The following DHX33 variants were observed in gnomAD, a reference collection of about 807,000 sequenced individuals.
DHX33 encodes DEAH-box helicase 33, also known as ATP-dependent RNA helicase DHX33.
DHX33 carries 42 observed loss-of-function variants against 72.5 expected under a neutral mutation model. That is an observed-to-expected ratio of 0.58 (90% confidence interval 0.45 to 0.75). The LOEUF (loss-of-function observed/expected upper bound fraction) is 0.75. Ranked by LOEUF, DHX33 falls within the 30% of genes least tolerant of loss-of-function variation. DHX33 has a pLI of 0.00. For synonymous variants in DHX33, 358 were observed against 366.1 expected (o/e 0.98, Z 0.25); for missense variants, 842 against 917.5 (o/e 0.92, Z 1.06).
Position 5,453,993 on chromosome 17 carries a change from T to C in DHX33, c.1148-13A>G, listed in dbSNP as rs770533292. On this transcript the variant is annotated splice_polypyrimidine_tract_variant and intron_variant, in intron 6 of 11. Transcript: ENST00000225296. ...TCAAGACCACTGTCTGGATGGAGAG[T>C]GAGCCCCATTAGTGCTTCATCACAT... The C allele has an allele frequency of 9.3e-6, 15 of 1,612,128 alleles. No individual in the cohort carries two copies. The highest frequency in any genetic ancestry group is 3.3e-5 in the South Asian group (3 of 90,974).
chr17:5,460,924 C>T lies in DHX33; in HGVS notation c.849+15G>A. ...TAAAAGAGAACTTTTCAGGAATTTG[C>T]CCCCAGCACCATACCTGGTGGATCT... is the stretch of plus-strand genomic sequence containing the variant. On this transcript the variant is annotated intron_variant, in intron 4 of 11. Transcript: ENST00000225296. The T allele has an allele frequency of 6.3e-7, 1 of 1,596,238 alleles. No individual in the cohort carries two copies. Among genetic ancestry groups the T allele is most frequent in the East Asian group, 2.3e-5 (1 of 44,166 alleles).
At chr17:5,445,127 G>A (rs886497513) in intron 11 of DHX33, among the ~76,000 whole-genome samples, 4 of 150,922 alleles carry the variant, frequency 2.7e-5, no homozygotes, top group Non-Finnish European at 5.9e-5. Flanking sequence ...CACCCAGGCT[G>A]GAGTGCAATG....
chr17:5,452,829 G>GGGAAGGAAA (rs1360846739), intron 8 of DHX33, among the ~76,000 whole-genome samples: 17 of 152,190 alleles, frequency 1.1e-4, no homozygotes, highest in Non-Finnish European at 2.9e-5. Flanking sequence ...GTTGTTCTAG[G>GGGAAGGAAA]GGAAGGAAAC....
chr17:5,449,490 G>A (rs1482495074), intron 10 of DHX33, among the ~76,000 whole-genome samples: 2 of 152,222 alleles, frequency 1.3e-5, no homozygotes, highest in African/African-American at 4.8e-5. Context: ...AGGCTGGAGT[G>A]CAGTGGCACG....
chr17:5,450,408 T>G lies in DHX33; in HGVS notation c.1525-2A>C. ...GAATTTGGGGGACATGAGGATGGTCTGCAAAGCAAAATTTAAAATTGTGTA... is the reference window on the plus strand; with the variant it reads ...GAATTTGGGGGACATGAGGATGGTCGGCAAAGCAAAATTTAAAATTGTGTA... On this transcript the variant is annotated splice_acceptor_variant, in intron 9 of 11. Transcript: ENST00000225296. LOFTEE classifies it high-confidence loss of function. 1.2e-6 allele frequency: 2 copies of G among 1,613,412 alleles called. No homozygotes were observed. The highest frequency in any genetic ancestry group is 1.7e-6 in the Non-Finnish European group (2 of 1,179,400).
At chr17:5,447,926 C>T (rs539738605) in intron 11 of DHX33, among the ~76,000 whole-genome samples, 2 of 152,364 alleles carry the variant, frequency 1.3e-5, no homozygotes, top group East Asian at 1.9e-4. Context: ...CACCTGGAAT[C>T]CCAGCACTTC....
chr17:5,447,998 G>A (rs540988026), intron 11 of DHX33, among the ~76,000 whole-genome samples: 1 of 152,234 alleles, frequency 6.6e-6, no homozygotes, highest in East Asian at 1.9e-4. Context: ...GGCCAACGTG[G>A]TGAAACCCCG....
chr17:5,463,490 G>C (rs1904733645), intron 2 of DHX33, 39 bp downstream of exon 2: 1 of 1,598,228 alleles, frequency 6.3e-7, no homozygotes, highest in East Asian at 2.2e-5. Flanking sequence ...GAGAGCTGTT[G>C]AGTCAAGAAG....
intron 4 of DHX33, among the ~76,000 whole-genome samples, chr17:5,457,310 AAAAT>A (rs1398721257): frequency 6.6e-6 from 1 of 151,766 alleles, no homozygotes; most frequent in Non-Finnish European, 1.5e-5. Flanking sequence ...TCCATCTCAA[AAAAT>A]AAATAAATAA....
intron 9 of DHX33, 93 bp downstream of exon 9, chr17:5,450,714 G>T: frequency 1.3e-6 from 2 of 1,536,152 alleles, no homozygotes; most frequent in Admixed American, 1.9e-5. Flanking sequence ...GAGAAAAAGT[G>T]AGATTAATCT....
chr17:5,455,480 T>C (rs1917149976), intron 5 of DHX33, among the ~76,000 whole-genome samples: 1 of 152,120 alleles, frequency 6.6e-6, no homozygotes, highest in Admixed American at 6.5e-5. Context: ...TTTGAGGCAA[T>C]GAGATGCAGT....
chr17:5,446,187 C>A (rs1023365014), intron 11 of DHX33, among the ~76,000 whole-genome samples: 1 of 152,192 alleles, frequency 6.6e-6, no homozygotes, highest in African/African-American at 2.4e-5. Context: ...GTTGGTCAGG[C>A]TGATTTCGAA....
intron 2 of DHX33, 82 bp downstream of exon 2, chr17:5,463,447 G>T: frequency 7.0e-7 from 1 of 1,425,320 alleles, no homozygotes; most frequent in Non-Finnish European, 9.6e-7. Context: ...AAGGAGTCTT[G>T]TTTAGAAAAA....
intron 4 of DHX33, among the ~76,000 whole-genome samples, chr17:5,458,460 A>G (rs114722366): frequency 0.018 from 2,756 of 152,256 alleles, 84 homozygotes; most frequent in African/African-American, 0.062. Flanking sequence ...AGAAAACATC[A>G]TAATAGGCCA....
intron 1 of DHX33, among the ~76,000 whole-genome samples, chr17:5,464,289 C>T (rs190947113): frequency 1.3e-5 from 2 of 152,268 alleles, no homozygotes; most frequent in African/African-American, 2.4e-5. Flanking sequence ...ATGATCACAC[C>T]ACTACACTCC....
In DHX33 at chr17:5,456,117, G is replaced by A. The variant is rs773261203; in HGVS notation, c.915C>T (p.Ser305=). ...GCTTTGCAATGTCTCGGCACGTCTT[G>A]CTCATGGCTTCGATCTCCTCCTGCC... ...LTGQEEIEAM[S]KTCRDIAKHL... Residue 305 remains serine (S), a synonymous_variant, in exon 5 of 12, where the codon AGC becomes AGT. Transcript: ENST00000225296. 2 of 1,614,108 alleles carry A rather than the reference G, an allele frequency of 1.2e-6. No individual in the cohort carries two copies. Among genetic ancestry groups the A allele is most frequent in the South Asian group, 2.2e-5 (2 of 91,074 alleles).
Position 5,463,609 on chromosome 17 carries a change from C to G in DHX33, c.370G>C (p.Val124Leu), listed in dbSNP as rs967087618. The change falls in exon 2 of 12, where the codon GTG (valine) becomes CTG (leucine). Residue 124 changes from valine (V) to leucine (L), a missense_variant. Transcript: ENST00000225296. ...GGISRQGIIA[V>L]TQPRRVAAIS... ...GCAGCTACTCGACGAGGCTGGGTCA[C>G]AGCAATGATGCCCTGGCGGCTGATC... The G allele has an allele frequency of 1.2e-6, 2 of 1,613,788 alleles. No homozygotes were observed. The highest frequency in any genetic ancestry group is 1.3e-5 in the African/African-American group (1 of 74,782).
intron 8 of DHX33, among the ~76,000 whole-genome samples, chr17:5,451,470 A>G (rs1472112495): frequency 6.6e-6 from 1 of 152,128 alleles, no homozygotes; most frequent in Non-Finnish European, 1.5e-5. Flanking sequence ...ATACACATTA[A>G]AAGTGTAACA....
chr17:5,463,412 G>A, intron 2 of DHX33, 117 bp downstream of exon 2: 1 of 1,079,702 alleles, frequency 9.3e-7, no homozygotes, highest in Non-Finnish European at 1.3e-6. Context: ...CGGAAGAATA[G>A]GCAAGAAAGC....
Sources: allele counts gnomAD v4.1 joint callset (sites outside exome capture counted in the v4.1 genomes callset), GRCh38; gene constraint gnomAD v4.1.1; transcripts MANE v1.5; gene names NCBI Gene and HGNC (gene_info 2026-07-23, HGNC 2026-07-21).